Variants in MIR2052HG observed in about 807,000 individuals in gnomAD.
MIR2052HG encodes the protein MIR2052 host gene.
intron 2 of MIR2052HG, among the ~76,000 whole-genome samples, chr8:74,625,057 C>G (rs1370440251): frequency 6.6e-6 from 1 of 151,904 alleles, no homozygotes; most frequent in African/African-American, 2.4e-5. Context: ...TGTTATGGAA[C>G]CTGAATACCT....
chr8:74,673,289 C>T (rs1809012822), intron 2 of MIR2052HG, among the ~76,000 whole-genome samples: 1 of 152,016 alleles, frequency 6.6e-6, no homozygotes, highest in South Asian at 2.1e-4. Context: ...ATATCCCTCC[C>T]TGCTAGTTTA....
intron 1 of MIR2052HG, among the ~76,000 whole-genome samples, chr8:74,604,583 C>CA (rs1808082178): frequency 2.0e-5 from 1 of 50,008 alleles, no homozygotes; most frequent in African/African-American, 9.0e-5. Context: ...TGTTTCTTTA[C>CA]TTTTTTTTTT....
rs184656913 is a variant in MIR2052HG at position 74,622,689 on chromosome 8, A to G, written n.216+9749A>G. Among the ~76,000 whole-genome samples the G allele has an allele frequency of 3.3e-5, 5 of 152,282 alleles. No homozygotes were observed. The East Asian group carries it at 9.6e-4, about 29-fold the overall frequency. ...CACTAATCATCAGCCATAATGAGGT[A>G]TCACCTTACCTATCAGAAATGGCTA... is the stretch of plus-strand genomic sequence containing the variant. On this transcript the variant is annotated intron_variant and non_coding_transcript_variant, in intron 2 of 6. Transcript: ENST00000523442.
At chr8:74,740,354 C>T (rs1425437257) in intron 4 of MIR2052HG, among the ~76,000 whole-genome samples, 1 of 152,096 alleles carries the variant, frequency 6.6e-6, no homozygotes. Context: ...ATCCCAGCTA[C>T]TTGGGAGGCT....
At chr8:74,750,326 T>G (rs1380169504) in intron 4 of MIR2052HG, among the ~76,000 whole-genome samples, 1 of 152,192 alleles carries the variant, frequency 6.6e-6, no homozygotes, top group Non-Finnish European at 1.5e-5. Context: ...GGTTCAGTTA[T>G]GTAGGTGCAA....
At chr8:74,609,389 C>T (rs984723458) in intron 1 of MIR2052HG, among the ~76,000 whole-genome samples, 3 of 151,872 alleles carry the variant, frequency 2.0e-5, no homozygotes, top group Non-Finnish European at 4.4e-5. Context: ...AAAGCCAATG[C>T]TATACAAGTT....
At chr8:74,673,887 G>GTGTATATATATATATATATA (rs374641482) in intron 2 of MIR2052HG, among the ~76,000 whole-genome samples, 1 of 121,702 alleles carries the variant, frequency 8.2e-6, no homozygotes, top group African/African-American at 3.9e-5. Flanking sequence ...GTATTTTTTT[G>GTGTATATATATATATATATA]TATATATATA....
chr8:74,706,573 G>A (rs771526164), intron 4 of MIR2052HG, among the ~76,000 whole-genome samples: 1 of 152,020 alleles, frequency 6.6e-6, no homozygotes, highest in Non-Finnish European at 1.5e-5. Context: ...ACCAGAGCAC[G>A]AGGGGCCTCC....
At chr8:74,729,964 T>C (rs1351961755) in intron 4 of MIR2052HG, among the ~76,000 whole-genome samples, 1 of 152,170 alleles carries the variant, frequency 6.6e-6, no homozygotes, top group Non-Finnish European at 1.5e-5. Context: ...TGAGAAACTT[T>C]GGGAAAATGG....
chr8:74,608,597 G>A (rs192972055), intron 1 of MIR2052HG, among the ~76,000 whole-genome samples: 10 of 152,172 alleles, frequency 6.6e-5, no homozygotes, highest in South Asian at 2.1e-4. Context: ...TGAATCATAA[G>A]TTAAGATTCA....
At chr8:74,669,548 G>A (rs1365225604) in intron 2 of MIR2052HG, among the ~76,000 whole-genome samples, 1 of 152,066 alleles carries the variant, frequency 6.6e-6, no homozygotes, top group Non-Finnish European at 1.5e-5. Flanking sequence ...TCCTTTCCAA[G>A]AATCAAATCC....
chr8:74,754,486 T>G (rs956636129), intron 5 of MIR2052HG, among the ~76,000 whole-genome samples: 5 of 152,300 alleles, frequency 3.3e-5, no homozygotes, highest in African/African-American at 1.2e-4. Flanking sequence ...GACTTGGAGC[T>G]ATGAGTGTAG....
intron 2 of MIR2052HG, among the ~76,000 whole-genome samples, chr8:74,637,666 C>G (rs1421264631): frequency 6.6e-6 from 1 of 152,148 alleles, no homozygotes; most frequent in East Asian, 1.9e-4. Context: ...TAGCAAGCTT[C>G]TTCAAATCTC....
intron 2 of MIR2052HG, among the ~76,000 whole-genome samples, chr8:74,627,670 G>A (rs2059532): frequency 0.12 from 18,782 of 152,108 alleles, 1,566 homozygotes; most frequent in Middle Eastern, 0.23. Context: ...TATATGACCC[G>A]AATAATTGTG....
chr8:74,696,950 A>C (rs1809303460), intron 2 of MIR2052HG, among the ~76,000 whole-genome samples: 1 of 152,130 alleles, frequency 6.6e-6, no homozygotes, highest in Non-Finnish European at 1.5e-5. Flanking sequence ...GAAAGAGGGA[A>C]TCCTCCCTAA....
intron 4 of MIR2052HG, among the ~76,000 whole-genome samples, chr8:74,714,047 G>T (rs1809496926): frequency 1.3e-5 from 2 of 152,056 alleles, no homozygotes; most frequent in Admixed American, 6.5e-5. Flanking sequence ...AATACCTTGT[G>T]TATTCAACAA....
Position 74,669,520 on chromosome 8 carries a change from A to G in MIR2052HG, n.217-32859A>G, listed in dbSNP as rs1192394559. Among the ~76,000 whole-genome samples the G allele has an allele frequency of 3.9e-5, 6 of 152,120 alleles. No homozygotes were observed. The East Asian group carries it at 9.6e-4, about 24-fold the overall frequency. On this transcript the variant is annotated intron_variant and non_coding_transcript_variant, in intron 2 of 6. Transcript: ENST00000523442. ...TTAAATGAGATCTTGTCATTTTCCT[A>G]ACTCTTGCTAATGATTTTCCTTTCC...
chr8:74,694,728 G>T (rs1809278228), intron 2 of MIR2052HG, among the ~76,000 whole-genome samples: 1 of 152,128 alleles, frequency 6.6e-6, no homozygotes, highest in South Asian at 2.1e-4. Context: ...AATCAAAGAA[G>T]TAGAAGAAAG....
At chr8:74,677,359 A>G (rs1011290249) in intron 2 of MIR2052HG, among the ~76,000 whole-genome samples, 1 of 152,054 alleles carries the variant, frequency 6.6e-6, no homozygotes, top group Non-Finnish European at 1.5e-5. Flanking sequence ...GAAATCATCC[A>G]TTATTATAAA....
Sources: gnomAD v4.1 joint callset for allele counts (sites outside exome capture counted in the v4.1 genomes callset) on GRCh38, gnomAD v4.1.1 for gene constraint, MANE v1.5 for transcripts, NCBI Gene and HGNC (gene_info 2026-07-23, HGNC 2026-07-21) for gene names.